UST: variants seen among roughly 807,000 people sequenced by gnomAD.
The protein encoded by UST is uronyl 2-sulfotransferase.
In UST, 21 loss-of-function variants were observed where a neutral mutation model predicts 45.6. The observed-to-expected ratio is 0.46, with a 90% CI of 0.33 to 0.66. The LOEUF (loss-of-function observed/expected upper bound fraction) is 0.66, where lower values mean the gene tolerates loss of function less well. Ranked by LOEUF, UST falls within the 30% of genes least tolerant of loss-of-function variation. The probability of loss-of-function intolerance (pLI) is 0.02; values close to 1 mark genes in which losing one functional copy is unlikely to be tolerated. For synonymous variants in UST, 215 were observed against 200.6 expected (o/e 1.07, Z -0.61); for missense variants, 463 against 512.4 (o/e 0.90, Z 0.93).
chr6:148,872,966 G>A (rs1344381009), intron 1 of UST, among the ~76,000 whole-genome samples: 1 of 152,184 alleles, frequency 6.6e-6, no homozygotes, highest in Non-Finnish European at 1.5e-5. Flanking sequence ...GCCACGTAAA[G>A]TAACGGACTC....
chr6:148,879,320 C>T (rs1778780957), intron 1 of UST, among the ~76,000 whole-genome samples: 1 of 152,190 alleles, frequency 6.6e-6, no homozygotes, highest in Admixed American at 6.5e-5. Context: ...GTATAATCTC[C>T]CACCGGAAAT....
intron 1 of UST, among the ~76,000 whole-genome samples, chr6:148,795,331 G>A (rs1776928624): frequency 6.6e-6 from 1 of 152,196 alleles, no homozygotes; most frequent in Non-Finnish European, 1.5e-5. Context: ...GAAGTGCCCT[G>A]ACGGTGAGAG....
At chr6:148,943,221 A>G (rs912432215) in intron 3 of UST, among the ~76,000 whole-genome samples, 3 of 152,244 alleles carry the variant, frequency 2.0e-5, no homozygotes, top group Non-Finnish European at 2.9e-5. Flanking sequence ...ACACTTAAAT[A>G]TAATATCATC....
At chr6:148,980,745 A>G (rs187327060) in intron 5 of UST, among the ~76,000 whole-genome samples, 7 of 151,970 alleles carry the variant, frequency 4.6e-5, no homozygotes, top group Non-Finnish European at 1.0e-4. Flanking sequence ...TTGAGACAGG[A>G]TCTTCCTCTG....
intron 1 of UST, among the ~76,000 whole-genome samples, chr6:148,885,605 TTACTA>T (rs1370452558): frequency 1.2e-4 from 18 of 152,244 alleles, no homozygotes; most frequent in African/African-American, 4.1e-4. Context: ...TGATGTTCCT[TTACTA>T]TATACAAATG....
rs559595210 is a variant in UST, at chr6:148,923,856, G to A, written c.292-17423G>A. On this transcript the variant is annotated intron_variant, in intron 2 of 7. Coordinates refer to ENST00000367463, the MANE Select transcript of UST (RefSeq NM_005715.3). ...TGGTCGCTTGGAAGCCAGATAGGCC[G>A]GGGTTCCTGTTTTCAGCTGGGCTGA... 4.6e-5 allele frequency among the ~76,000 whole-genome samples: 7 copies of A among 152,252 alleles called. No homozygotes were observed. The East Asian group carries it at 5.8e-4, about 13-fold the overall frequency.
intron 2 of UST, among the ~76,000 whole-genome samples, chr6:148,939,421 G>T (rs1177245333): frequency 3.9e-5 from 6 of 152,154 alleles, no homozygotes; most frequent in Non-Finnish European, 8.8e-5. Context: ...AACAAAGTTG[G>T]AGGGACTTAC....
At chr6:148,771,947 A>C (rs1250893238) in intron 1 of UST, among the ~76,000 whole-genome samples, 1 of 152,168 alleles carries the variant, frequency 6.6e-6, no homozygotes, top group Non-Finnish European at 1.5e-5. Flanking sequence ...CCAAAAGGAG[A>C]TATCTATTCG....
intron 1 of UST, among the ~76,000 whole-genome samples, chr6:148,885,240 A>G (rs969813125): frequency 6.6e-6 from 1 of 152,196 alleles, no homozygotes; most frequent in Non-Finnish European, 1.5e-5. Flanking sequence ...CCTGGAGAAC[A>G]TGCTGGTGTG....
intron 4 of UST, chr6:148,958,940 T>TC (rs1486678405): frequency 1.3e-5 from 2 of 152,270 alleles, no homozygotes; most frequent in Non-Finnish European, 2.9e-5. Flanking sequence ...TATCCTTTTT[T>TC]CACATCATTC....
intron 4 of UST, among the ~76,000 whole-genome samples, chr6:148,957,933 A>G (rs984358827): frequency 2.6e-5 from 4 of 152,194 alleles, no homozygotes; most frequent in African/African-American, 7.2e-5. Context: ...TCCTCCACAC[A>G]TCGTTAACAT....
intron 7 of UST, among the ~76,000 whole-genome samples, chr6:149,055,542 C>G (rs1362145748): frequency 6.6e-6 from 1 of 151,840 alleles, no homozygotes; most frequent in African/African-American, 2.4e-5. Context: ...TTCTCCTGTC[C>G]CCTCCCCCAC....
chr6:148,965,199 C>G (rs1780762724), intron 5 of UST, among the ~76,000 whole-genome samples: 3 of 152,190 alleles, frequency 2.0e-5, no homozygotes, highest in Admixed American at 2.0e-4. Context: ...AGTCTCGAGC[C>G]CAGTAATTAT....
At chr6:148,967,065 T>TTTTTAA (rs1780818460) in intron 5 of UST, among the ~76,000 whole-genome samples, 1 of 152,176 alleles carries the variant, frequency 6.6e-6, no homozygotes, top group Non-Finnish European at 1.5e-5. Context: ...AAAAAGGTCA[T>TTTTTAA]AAAATATTGA....
chr6:148,951,157 A>G (rs947801139), intron 3 of UST, among the ~76,000 whole-genome samples: 4 of 152,228 alleles, frequency 2.6e-5, no homozygotes, highest in African/African-American at 9.6e-5. Flanking sequence ...CCTGAGAGCC[A>G]GTTGAGGGAA....
chr6:149,006,746 C>T (rs900073555), intron 5 of UST, among the ~76,000 whole-genome samples: 3 of 152,192 alleles, frequency 2.0e-5, no homozygotes, highest in Non-Finnish European at 4.4e-5. Context: ...TCCACAGCCT[C>T]GCCAGCAACT....
intron 1 of UST, among the ~76,000 whole-genome samples, chr6:148,764,967 C>T (rs1776294263): frequency 6.6e-6 from 1 of 152,156 alleles, no homozygotes; most frequent in Non-Finnish European, 1.5e-5. Context: ...CAGACACTCC[C>T]AGGGCACCCA....
intron 7 of UST, among the ~76,000 whole-genome samples, chr6:149,060,556 A>C (rs1035339724): frequency 1.3e-5 from 2 of 152,222 alleles, no homozygotes. Flanking sequence ...TGTGACAAGC[A>C]TCATGTTCAC....
At chr6:149,061,660 G>C (rs1429405353) in intron 7 of UST, among the ~76,000 whole-genome samples, 1 of 152,246 alleles carries the variant, frequency 6.6e-6, no homozygotes, top group Non-Finnish European at 1.5e-5. Context: ...GTGCCGGGCA[G>C]AGATGTGTTT....
Sources: gnomAD v4.1 joint callset for allele counts (sites outside exome capture counted in the v4.1 genomes callset) on GRCh38, gnomAD v4.1.1 for gene constraint, MANE v1.5 for transcripts, NCBI Gene and HGNC (gene_info 2026-07-23, HGNC 2026-07-21) for gene names.